GABRG3: variants seen among roughly 807,000 people sequenced by gnomAD.
GABRG3 encodes the protein gamma-aminobutyric acid type A receptor subunit gamma3.
A neutral mutation model predicts 48.8 loss-of-function variants in GABRG3; 25 were observed. That is an observed-to-expected ratio of 0.51 (90% CI 0.37 to 0.72). The LOEUF (loss-of-function observed/expected upper bound fraction) is 0.72. Among genes scored for constraint, GABRG3 ranks in the 30% least tolerant of loss-of-function variants. The pLI is 0.00. For missense variants in GABRG3, 394 were observed against 577.9 expected (o/e 0.68, Z 3.26); for synonymous variants, 227 against 217.6 (o/e 1.04, Z -0.38).
intron 3 of GABRG3, among the ~76,000 whole-genome samples, chr15:27,271,347 C>T (rs748908343): frequency 4.6e-5 from 7 of 152,230 alleles, no homozygotes; most frequent in Non-Finnish European, 8.8e-5. Flanking sequence ...GGGTGCCTCT[C>T]GCTGCCACCC....
chr15:27,278,145 G>T (rs1006055583), intron 3 of GABRG3, among the ~76,000 whole-genome samples: 2 of 151,430 alleles, frequency 1.3e-5, no homozygotes, highest in African/African-American at 2.4e-5. Context: ...TCCCCATCCC[G>T]GGTTCAAACG....
intron 3 of GABRG3, among the ~76,000 whole-genome samples, chr15:27,116,383 A>C (rs1210709021): frequency 6.6e-6 from 1 of 152,012 alleles, no homozygotes; most frequent in Non-Finnish European, 1.5e-5. Context: ...TTTTTCTCAT[A>C]TATGTCTTGT....
At chr15:27,192,704 A>G (rs1274349611) in intron 3 of GABRG3, among the ~76,000 whole-genome samples, 1 of 152,196 alleles carries the variant, frequency 6.6e-6, no homozygotes, top group Non-Finnish European at 1.5e-5. Context: ...GATCATCTGA[A>G]GCCTCCTTCT....
chr15:27,047,664 A>G (rs1203154787), intron 3 of GABRG3, among the ~76,000 whole-genome samples: 1 of 152,226 alleles, frequency 6.6e-6, no homozygotes, highest in African/African-American at 2.4e-5. Context: ...CTTATAAAAC[A>G]GTTAATTTTC....
chr15:27,108,205 C>G (rs935903719), intron 3 of GABRG3, among the ~76,000 whole-genome samples: 5 of 152,056 alleles, frequency 3.3e-5, no homozygotes, highest in African/African-American at 7.2e-5. Flanking sequence ...CAGTTTTCCT[C>G]TCAGCACTGC....
intron 5 of GABRG3, among the ~76,000 whole-genome samples, chr15:27,444,143 CCTT>C (rs1304810673): frequency 6.6e-6 from 1 of 152,084 alleles, no homozygotes; most frequent in Non-Finnish European, 1.5e-5. Context: ...TTCATGTTAA[CCTT>C]CTGAGTGAAA....
intron 3 of GABRG3, among the ~76,000 whole-genome samples, chr15:27,299,057 A>T (rs1238588568): frequency 1.3e-5 from 2 of 152,138 alleles, no homozygotes. Flanking sequence ...GCCAAGGCAG[A>T]TGGATCACCT....
chr15:27,183,085 T>G (rs1310901052), intron 3 of GABRG3, among the ~76,000 whole-genome samples: 2 of 152,228 alleles, frequency 1.3e-5, no homozygotes, highest in East Asian at 3.8e-4. Flanking sequence ...AATGTCTAAT[T>G]TGTGAAATAT....
In GABRG3 at chr15:27,178,594, A is replaced by G. The variant is rs530596852; in HGVS notation, c.271-148215A>G. 4.6e-5 allele frequency among the ~76,000 whole-genome samples: 7 copies of G among 152,346 alleles called. No homozygotes were observed. In the South Asian group the frequency reaches 1.5e-3, roughly 32 times the overall value. On this transcript the variant is annotated intron_variant, in intron 3 of 9. Coordinates refer to ENST00000615808, the MANE Select transcript of GABRG3 (RefSeq NM_033223.5). ...ACACATTTATTTAACATGTATATACAATAACCTTCAGACTGAAGACCCAGA... is the reference window on the plus strand; with the variant it reads ...ACACATTTATTTAACATGTATATACGATAACCTTCAGACTGAAGACCCAGA...
At chr15:27,436,394 G>A (rs887235671) in intron 5 of GABRG3, among the ~76,000 whole-genome samples, 8 of 152,188 alleles carry the variant, frequency 5.3e-5, no homozygotes, top group African/African-American at 1.9e-4. Context: ...ATTTTGGAGG[G>A]ATGCAAACAT....
intron 2 of GABRG3, among the ~76,000 whole-genome samples, chr15:27,001,604 T>G (rs533192302): frequency 6.6e-6 from 1 of 152,224 alleles, no homozygotes. Context: ...ATGGTTTCAC[T>G]GGGATACTCT....
chr15:27,292,401 A>G (rs1476015745), intron 3 of GABRG3, among the ~76,000 whole-genome samples: 2 of 152,048 alleles, frequency 1.3e-5, no homozygotes, highest in East Asian at 1.9e-4. Context: ...CATGTTCTGC[A>G]CATGTACCCC....
intron 3 of GABRG3, among the ~76,000 whole-genome samples, chr15:27,190,790 G>A (rs1328664049): frequency 6.6e-6 from 1 of 151,844 alleles, no homozygotes; most frequent in African/African-American, 2.4e-5. Context: ...GTTTGCTCTT[G>A]CTTTTCTAGT....
At chr15:27,314,967 C>A (rs1218796360) in intron 3 of GABRG3, among the ~76,000 whole-genome samples, 2 of 152,058 alleles carry the variant, frequency 1.3e-5, no homozygotes, top group Non-Finnish European at 2.9e-5. Context: ...TGAATAAGTT[C>A]TCTAGATCTA....
chr15:27,181,321 T>G (rs208126), intron 3 of GABRG3, among the ~76,000 whole-genome samples: 79,526 of 151,936 alleles, frequency 0.52, 21,624 homozygotes, highest in East Asian at 0.77. Flanking sequence ...AAAACAAGAG[T>G]TAGTTCTCTT....
At chr15:27,492,104 G>A (rs147847348) in intron 6 of GABRG3, among the ~76,000 whole-genome samples, 7 of 152,178 alleles carry the variant, frequency 4.6e-5, no homozygotes, top group African/African-American at 7.2e-5. Flanking sequence ...AGAATTGCAC[G>A]GCATTGTGAT....
intron 3 of GABRG3, among the ~76,000 whole-genome samples, chr15:27,246,543 CTT>C (rs1297726412): frequency 5.9e-5 from 9 of 152,100 alleles, no homozygotes; most frequent in Admixed American, 1.3e-4. Context: ...ATCTACAAAA[CTT>C]TTCTTTTAAG....
chr15:27,455,563 T>G (rs1028042806), intron 5 of GABRG3, among the ~76,000 whole-genome samples: 11 of 151,400 alleles, frequency 7.3e-5, no homozygotes, highest in African/African-American at 2.7e-4. Flanking sequence ...AGTTTGTGTG[T>G]GGTGTGTGTG....
Position 27,081,411 on chromosome 15 carries a change from T to C in GABRG3, c.270+54590T>C, listed in dbSNP as rs1394291948. On this transcript the variant is annotated intron_variant, in intron 3 of 9. Transcript: ENST00000615808. Reference sequence around the variant, plus strand: ...GTTTCCTTAACTATTGTACTTTTATTAAATATTCATTTGAAATTTATTAAA... The same window carrying C: ...GTTTCCTTAACTATTGTACTTTTATCAAATATTCATTTGAAATTTATTAAA... Among the ~76,000 whole-genome samples the C allele has an allele frequency of 2.0e-5, 3 of 151,872 alleles. No individual in the cohort carries two copies. The East Asian group carries it at 5.8e-4, about 29-fold the overall frequency.
Sources: gnomAD v4.1 joint callset for allele counts (sites outside exome capture counted in the v4.1 genomes callset) on GRCh38, gnomAD v4.1.1 for gene constraint, MANE v1.5 for transcripts, NCBI Gene and HGNC (gene_info 2026-07-23, HGNC 2026-07-21) for gene names.